SLC11A2: variants seen among roughly 807,000 people sequenced by gnomAD.
SLC11A2 encodes solute carrier family 11 member 2.
SLC11A2 carries 38 observed loss-of-function variants against 68.0 expected under a neutral mutation model. The observed-to-expected ratio is 0.56, with a 90% CI of 0.43 to 0.73. The LOEUF is 0.73. Among genes scored for constraint, SLC11A2 ranks in the 30% least tolerant of loss-of-function variants. The pLI is 0.00. For synonymous variants in SLC11A2, 242 were observed against 250.6 expected (o/e 0.97, Z 0.32); for missense variants, 517 against 690.5 (o/e 0.75, Z 2.82).
At chr12:50,996,127 T>C (rs1941680769) in intron 9 of SLC11A2, among the ~76,000 whole-genome samples, 1 of 152,216 alleles carries the variant, frequency 6.6e-6, no homozygotes, top group Non-Finnish European at 1.5e-5. Flanking sequence ...CATATACCTA[T>C]TTATAAAGGT....
At chr12:51,028,253 T>TC (rs1944465866), upstream of SLC11A2, 2 of 1,521,098 alleles carry the variant, frequency 1.3e-6, no homozygotes, top group Admixed American at 3.9e-5. Context: ...ACTTTCCCAA[T>TC]GCCAGCTCCT....
chr12:51,012,705 C>T (rs1943330082), intron 1 of SLC11A2, among the ~76,000 whole-genome samples: 1 of 152,068 alleles, frequency 6.6e-6, no homozygotes, highest in Admixed American at 6.6e-5. Flanking sequence ...GCATATATAC[C>T]ACCACCTGCT....
At chr12:51,010,130 G>A (rs1264104444) in intron 2 of SLC11A2, among the ~76,000 whole-genome samples, 1 of 151,928 alleles carries the variant, frequency 6.6e-6, no homozygotes, top group Non-Finnish European at 1.5e-5. Context: ...GTTGCAGTGA[G>A]CCGACACAGT....
downstream of SLC11A2, chr12:50,979,994 G>A (rs1281007242): frequency 2.2e-6 from 1 of 452,688 alleles, no homozygotes; most frequent in East Asian, 7.0e-5. Context: ...GGGAGGCCAA[G>A]GCCAGCAGAT....
Position 50,987,341 on chromosome 12 carries a change from A to G in SLC11A2, c.*984T>C. 7.8e-7 allele frequency: 1 copy of G among 1,287,228 alleles called. No homozygotes were observed. The highest frequency in any genetic ancestry group is 1.0e-6 in the Non-Finnish European group (1 of 988,702). The allele number at this position is 1,287,228 out of a possible 1,614,324, so 79.7% of individuals were successfully genotyped here. On this transcript the variant is annotated 3_prime_UTR_variant, in exon 16 of 16. Coordinates refer to ENST00000262052, the MANE Select transcript of SLC11A2 (RefSeq NM_000617.3). ...GATTGCCTCGCAAGTCATCTTGGGCATGAAGCAGAGCGGTGCATCAGAAAA... is the reference window on the plus strand; with the variant it reads ...GATTGCCTCGCAAGTCATCTTGGGCGTGAAGCAGAGCGGTGCATCAGAAAA...
chr12:51,000,011 AAAAT>A (rs1339452744), intron 6 of SLC11A2, among the ~76,000 whole-genome samples: 2 of 152,020 alleles, frequency 1.3e-5, no homozygotes, highest in African/African-American at 2.4e-5. Context: ...CTGTCTCAAA[AAAAT>A]AAATAAATAA....
intron 1 of SLC11A2, among the ~76,000 whole-genome samples, chr12:51,012,571 T>A (rs422982): frequency 0.69 from 105,580 of 152,102 alleles, 37,865 homozygotes; most frequent in East Asian, 0.87. Flanking sequence ...AACAATCTTC[T>A]ACTTGCTGTT....
intron 1 of SLC11A2, among the ~76,000 whole-genome samples, chr12:51,012,822 A>T (rs1943339683): frequency 1.3e-5 from 2 of 152,192 alleles, no homozygotes; most frequent in African/African-American, 4.8e-5. Flanking sequence ...CCACCAGATG[A>T]CTAAACATCA....
intron 1 of SLC11A2, chr12:51,025,951 T>TAAAAA: frequency 1.0e-6 from 1 of 1,000,098 alleles, no homozygotes; most frequent in Non-Finnish European, 1.2e-6. Context: ...TCGGCCTCTT[T>TAAAAA]CGAGGCGTCG....
At chr12:51,009,167 G>A in intron 2 of SLC11A2, 1 of 1,495,386 alleles carries the variant, frequency 6.7e-7, no homozygotes, top group African/African-American at 1.4e-5. Context: ...CTCAAAAAAT[G>A]TGCAAGTTAC....
chr12:51,011,774 G>A (rs1462419626), intron 1 of SLC11A2, among the ~76,000 whole-genome samples: 3 of 151,440 alleles, frequency 2.0e-5, no homozygotes, highest in Admixed American at 1.3e-4. Flanking sequence ...TGTTGGCCAC[G>A]CTGGTCTCAA....
At chr12:50,961,474 A>C in the SLC11A2 span, among the ~76,000 whole-genome samples, 1 of 152,076 alleles carries the variant, frequency 6.6e-6, no homozygotes, top group Non-Finnish European at 1.5e-5. Context: ...TTCCCAGCCT[A>C]TCTGAACAGC....
At chr12:50,963,868 C>A in the SLC11A2 span, among the ~76,000 whole-genome samples, 2 of 152,182 alleles carry the variant, frequency 1.3e-5, no homozygotes, top group African/African-American at 4.8e-5. Context: ...CTGTCCAGCC[C>A]TTGTCAACTT....
the SLC11A2 span, among the ~76,000 whole-genome samples, chr12:50,969,061 G>A: frequency 6.6e-6 from 1 of 151,618 alleles, no homozygotes; most frequent in South Asian, 2.1e-4. Context: ...TTGGGAGGCA[G>A]AGGCGGGTGG....
At chr12:50,969,977 G>A in the SLC11A2 span, among the ~76,000 whole-genome samples, 141 of 152,072 alleles carry the variant, frequency 9.3e-4, 1 homozygote, top group African/African-American at 3.0e-3. Context: ...GCATGCCCCA[G>A]GACTCTGTGG....
At chr12:50,967,246 A>G in the SLC11A2 span, among the ~76,000 whole-genome samples, 2 of 152,034 alleles carry the variant, frequency 1.3e-5, no homozygotes, top group South Asian at 4.1e-4. Flanking sequence ...TGGGCTTAAG[A>G]GATCCTCCTG....
downstream of SLC11A2, chr12:50,979,943 G>A (rs1258348035): frequency 8.8e-6 from 4 of 454,074 alleles, no homozygotes; most frequent in Admixed American, 7.0e-5. Flanking sequence ...AATGAGGAGT[G>A]AGCTGGATGC....
chr12:51,015,973 CG>C (rs1943617331), intron 1 of SLC11A2, among the ~76,000 whole-genome samples: 1 of 151,484 alleles, frequency 6.6e-6, no homozygotes, highest in Non-Finnish European at 1.5e-5. Context: ...TTAGTAAAGA[CG>C]GGGTTTCACC....
At chr12:50,997,012 G>A (rs774768725) in intron 8 of SLC11A2, 40 bp from the exon 9 acceptor site, 42 of 1,552,860 alleles carry the variant, frequency 2.7e-5, no homozygotes, top group Non-Finnish European at 3.6e-5. Context: ...TTACAGGAAC[G>A]TGAAACGGGA....
Sources: allele counts gnomAD v4.1 joint callset (sites outside exome capture counted in the v4.1 genomes callset), GRCh38; gene constraint gnomAD v4.1.1; transcripts MANE v1.5; gene names NCBI Gene and HGNC (gene_info 2026-07-23, HGNC 2026-07-21).